The following GABRR3 variants were observed in gnomAD, a reference collection of about 807,000 sequenced individuals.
GABRR3 encodes the protein gamma-aminobutyric acid type A receptor subunit rho3.
GABRR3 carries 29 observed loss-of-function variants against 43.2 expected under a neutral mutation model. The ratio of observed to expected loss-of-function variants is 0.67; its 90% CI spans 0.50 to 0.92. GABRR3 has a LOEUF of 0.92. GABRR3 is among the 40% of genes least tolerant of loss of function. GABRR3 has a pLI of 0.00. For synonymous variants in GABRR3, 206 were observed against 195.9 expected, an observed-to-expected ratio of 1.05 and a Z score of -0.43; for missense variants, 576 against 572.3, an observed-to-expected ratio of 1.01 and a Z score of -0.07.
chr3:98,000,313 G>A (rs1706622350), intron 8 of GABRR3: 1 of 152,094 alleles, frequency 6.6e-6, no homozygotes, highest in Non-Finnish European at 1.5e-5. Flanking sequence ...TATAAGAGCA[G>A]AGCAGTCAAC....
In GABRR3 at chr3:98,012,628, C is replaced by T. The variant is rs147504165; in HGVS notation, c.307-61G>A. The T allele has an allele frequency of 5.6e-4, 643 of 1,143,434 alleles. 5 individuals are homozygous for T. In the African/African-American group the frequency reaches 9.1e-3, roughly 16 times the overall value. 70.8% of individuals were successfully genotyped at this position (1,143,434 alleles called of 1,614,324 possible). A position where few individuals can be genotyped will look rare whatever the true frequency, so the allele number is the denominator to read the frequency against. ...AGGAATATGGTTCAGGATGACCACT[C>T]AACACTGTTAGTCCCAGGACTCATT... On this transcript the variant is annotated intron_variant, in intron 4 of 9. Transcript: ENST00000621172.
intron 5 of GABRR3, among the ~76,000 whole-genome samples, chr3:98,011,447 C>T (rs140973847): frequency 3.3e-5 from 5 of 152,266 alleles, no homozygotes; most frequent in Non-Finnish European, 5.9e-5. Flanking sequence ...GCCAACATTC[C>T]TTGACTTATG....
chr3:98,016,381 T>G (rs1294788555), intron 4 of GABRR3, among the ~76,000 whole-genome samples: 4 of 149,702 alleles, frequency 2.7e-5, no homozygotes, highest in East Asian at 2.1e-4. Context: ...CCACCCCCCA[T>G]TCCTCCTTCT....
chr3:98,008,036 AAT>A, intron 6 of GABRR3, 132 bp from the exon 7 acceptor site: 2 of 718,294 alleles, frequency 2.8e-6, no homozygotes, highest in East Asian at 2.9e-5. Flanking sequence ...AGGTGATAAA[AAT>A]ATGTTTGCCA....
At chr3:98,031,440 A>T (rs2107253327) in intron 2 of GABRR3, among the ~76,000 whole-genome samples, 1 of 152,320 alleles carries the variant, frequency 6.6e-6, no homozygotes, top group African/African-American at 2.4e-5. Context: ...ACGAGGCTCA[A>T]GTTCTCTTAT....
chr3:97,986,150 G>T (rs1461734970), downstream of GABRR3, among the ~76,000 whole-genome samples: 1 of 152,178 alleles, frequency 6.6e-6, no homozygotes, highest in Non-Finnish European at 1.5e-5. Flanking sequence ...ACAAGCATGA[G>T]CCACGGCACC....
At chr3:98,012,536 T>C in exon 5 of GABRR3, 1 of 1,613,884 alleles carries the variant, frequency 6.2e-7, no homozygotes, top group South Asian at 1.1e-5. Context: ...GTCTTTCCAG[T>C]AATGCCTGAG....
intron 2 of GABRR3, among the ~76,000 whole-genome samples, chr3:98,027,679 T>C (rs1707040684): frequency 6.6e-6 from 1 of 152,264 alleles, no homozygotes; most frequent in South Asian, 2.1e-4. Context: ...TTTTTTGTAT[T>C]TTTTATACCT....
intron 2 of GABRR3, among the ~76,000 whole-genome samples, chr3:98,028,923 T>A (rs1707054045): frequency 6.6e-6 from 1 of 152,108 alleles, no homozygotes; most frequent in South Asian, 2.1e-4. Flanking sequence ...TAATAAAGGA[T>A]CACTATATCA....
intron 7 of GABRR3, among the ~76,000 whole-genome samples, chr3:98,002,701 C>A (rs538943084): frequency 1.3e-5 from 2 of 150,810 alleles, no homozygotes; most frequent in East Asian, 3.9e-4. Flanking sequence ...GGAAATACAT[C>A]TTTTCTGAAT....
rs544741488 is a variant in GABRR3 at position 97,993,150 on chromosome 3, C to A, written c.908-102G>T. On this transcript the variant is annotated intron_variant, in intron 8 of 9. Transcript: ENST00000621172. ...GATGCATTTCTAGAACAATATCAAC[C>A]TGGTGATCCAAGAGGAGGGAAGGTG... The A allele has an allele frequency of 8.6e-6, 8 of 929,352 alleles. No individual in the cohort carries two copies. The Admixed American group carries it at 1.5e-4, about 17-fold the overall frequency. 57.6% of individuals were successfully genotyped at this position (929,352 alleles called of 1,614,324 possible).
intron 8 of GABRR3, chr3:98,001,032 A>C (rs1348858088): frequency 6.5e-6 from 1 of 153,138 alleles, no homozygotes; most frequent in Non-Finnish European, 1.5e-5. Context: ...CTCTCCACCT[A>C]AAATCTCCTG....
intron 9 of GABRR3, 116 bp from the exon 10 acceptor site, chr3:97,987,098 T>C (rs918728463): frequency 1.3e-5 from 9 of 696,324 alleles, no homozygotes; most frequent in African/African-American, 7.5e-5. Context: ...GATAGGCCAA[T>C]TGGATTTGTT....
intron 2 of GABRR3, among the ~76,000 whole-genome samples, chr3:98,029,913 C>T (rs1269042957): frequency 2.6e-5 from 4 of 151,762 alleles, no homozygotes; most frequent in Non-Finnish European, 5.9e-5. Context: ...GTCAGGAGTT[C>T]GAGACCAGAC....
intron 3 of GABRR3, among the ~76,000 whole-genome samples, chr3:98,021,416 T>C (rs1706946367): frequency 6.6e-6 from 1 of 152,208 alleles, no homozygotes; most frequent in Non-Finnish European, 1.5e-5. Flanking sequence ...TGTAGCCATA[T>C]AAACCTGAGT....
At chr3:98,033,421 T>C (rs187070446) in intron 2 of GABRR3, among the ~76,000 whole-genome samples, 117 of 152,216 alleles carry the variant, frequency 7.7e-4, no homozygotes, top group African/African-American at 2.5e-3. Flanking sequence ...TCAGAAAAAA[T>C]TTCTACCTCA....
intron 2 of GABRR3, among the ~76,000 whole-genome samples, chr3:98,026,990 G>T (rs1264656369): frequency 6.6e-6 from 1 of 152,148 alleles, no homozygotes; most frequent in Non-Finnish European, 1.5e-5. Flanking sequence ...GTTGGGAAAA[G>T]AAATCTGTTT....
At chr3:98,019,019 A>G (rs1343347561) in intron 3 of GABRR3, among the ~76,000 whole-genome samples, 1 of 152,000 alleles carries the variant, frequency 6.6e-6, no homozygotes, top group Non-Finnish European at 1.5e-5. Context: ...CTGACGCATG[A>G]GAATTGCTTG....
Position 97,996,765 on chromosome 3 carries a change from C to T in GABRR3, c.908-3717G>A, listed in dbSNP as rs78589251. ...ACATAATCATATTTTTGACCCATCA[C>T]ACATTCCAAGTTATGGTAGCTATTA... On this transcript the variant is annotated intron_variant, in intron 8 of 9. Coordinates refer to ENST00000621172, the Ensembl canonical transcript of GABRR3. 2.4e-3 allele frequency among the ~76,000 whole-genome samples: 368 copies of T among 152,326 alleles called. 10 individuals carry two copies. The East Asian group carries it at 0.033, about 14-fold the overall frequency.
Sources: allele counts gnomAD v4.1 joint callset (sites outside exome capture counted in the v4.1 genomes callset), GRCh38; gene constraint gnomAD v4.1.1; transcripts MANE v1.5; gene names NCBI Gene and HGNC (gene_info 2026-07-23, HGNC 2026-07-21).